Variants in RPS6KB1 observed in about 807,000 individuals in gnomAD.
RPS6KB1 encodes the protein ribosomal protein S6 kinase beta-1.
Under a neutral mutation model 70.2 loss-of-function variants are expected in RPS6KB1, and 12 were observed. That is an observed-to-expected ratio of 0.17 (90% CI 0.11 to 0.28). The LOEUF (loss-of-function observed/expected upper bound fraction) is 0.28, where lower values mean the gene tolerates loss of function less well. Among genes scored for constraint, RPS6KB1 ranks in the 10% least tolerant of loss-of-function variants. The probability of loss-of-function intolerance (pLI) is 1.00; values close to 1 mark genes in which losing one functional copy is unlikely to be tolerated. For synonymous variants in RPS6KB1, 175 were observed against 211.2 expected (o/e 0.83, Z 1.49); for missense variants, 270 against 646.6 (o/e 0.42, Z 6.32).
Position 59,934,902 on chromosome 17 carries a change from G to A in RPS6KB1, c.871-291G>A, listed in dbSNP as rs143394807. The stretch of plus-strand genomic sequence containing the variant: ...CTGTCCTGTTGCTTAAAAACTGCAC[G>A]TCTGCCGGCCACAGTGGTGCATGCC... On this transcript the variant is annotated intron_variant, in intron 9 of 14. Coordinates refer to ENST00000225577, the MANE Select transcript of RPS6KB1 (RefSeq NM_003161.4). The surrounding 1 kb of genome is among the most constrained non-coding windows in gnomAD (Gnocchi z 4.8). 7 of 357,140 alleles carry A rather than the reference G, an allele frequency of 2.0e-5. No individual in the cohort carries two copies. Among genetic ancestry groups the A allele is most frequent in the South Asian group, 1.2e-4 (3 of 24,902 alleles). The allele number at this position is 357,140 out of a possible 1,614,324, so 22.1% of individuals were successfully genotyped here.
At chr17:59,898,371 C>T (rs1340916330) in intron 1 of RPS6KB1, among the ~76,000 whole-genome samples, 2 of 152,058 alleles carry the variant, frequency 1.3e-5, no homozygotes, top group Non-Finnish European at 2.9e-5. Context: ...CTCAAATATT[C>T]ATGATTATGA....
At chr17:59,900,230 A>AC (rs71145588) in intron 1 of RPS6KB1, among the ~76,000 whole-genome samples, 2 of 136,736 alleles carry the variant, frequency 1.5e-5, no homozygotes, top group South Asian at 2.4e-4. Flanking sequence ...ACACACACAC[A>AC]CCCCTATGTG....
In RPS6KB1 at chr17:59,949,442, CTTGA is replaced by C. The variant is rs1035267177; in HGVS notation, c.*2657_*2660del. 8 of 152,440 alleles carry C rather than the reference CTTGA, an allele frequency of 5.2e-5. No individual in the cohort carries two copies. The highest frequency in any genetic ancestry group is 2.1e-4 in the South Asian group (1 of 4,830). 9.4% of individuals were successfully genotyped at this position (152,440 alleles called of 1,614,324 possible). A position where few individuals can be genotyped will look rare whatever the true frequency, so the allele number is the denominator to read the frequency against. ...GAGATTAAGTGCTTTTTTTTCATCA[CTTGA>C]TTATTTTCTTTAAAATCAGCTATTA... On this transcript the variant is annotated 3_prime_UTR_variant, in exon 15 of 15. Coordinates refer to ENST00000225577, the MANE Select transcript of RPS6KB1 (RefSeq NM_003161.4).
At chr17:59,924,143 G>A (rs561164820) in intron 4 of RPS6KB1, among the ~76,000 whole-genome samples, 29 of 152,116 alleles carry the variant, frequency 1.9e-4, no homozygotes, top group South Asian at 6.2e-4. Context: ...AGCCTGGCCA[G>A]CATGGTGAAA....
chr17:59,946,456 T>C lies in RPS6KB1; in HGVS notation c.1341-95T>C. On this transcript the variant is annotated intron_variant, in intron 14 of 14. Coordinates refer to ENST00000225577, the MANE Select transcript of RPS6KB1 (RefSeq NM_003161.4). This position sits in a 1 kb window ranked among gnomAD's most constrained non-coding sequence, Gnocchi z 4.2. ...GAAAATAAAATTAAATGAAAATAAA[T>C]GTCATGTTACCCCACTCCCTTTAAA... 1.1e-6 allele frequency: 1 copy of C among 938,468 alleles called. No individual in the cohort carries two copies. Among genetic ancestry groups the C allele is most frequent in the South Asian group, 1.5e-5 (1 of 65,174 alleles). The allele number at this position is 938,468 out of a possible 1,614,324, so 58.1% of individuals were successfully genotyped here.
intron 1 of RPS6KB1, among the ~76,000 whole-genome samples, chr17:59,906,389 G>A (rs1317517461): frequency 6.6e-6 from 1 of 151,622 alleles, no homozygotes; most frequent in African/African-American, 2.4e-5. Flanking sequence ...TTTCGACAGA[G>A]TCTAGCTTTG....
intron 4 of RPS6KB1, among the ~76,000 whole-genome samples, chr17:59,923,546 T>C (rs1472306704): frequency 6.6e-6 from 1 of 152,136 alleles, no homozygotes; most frequent in Non-Finnish European, 1.5e-5. Flanking sequence ...AGTCTCGCTT[T>C]GTCCCCCAGG....
At chr17:59,900,420 C>G (rs2041863727) in intron 1 of RPS6KB1, among the ~76,000 whole-genome samples, 1 of 151,878 alleles carries the variant, frequency 6.6e-6, no homozygotes, top group African/African-American at 2.4e-5. Context: ...GCCTGGAGTG[C>G]AATGGCGCGA....
chr17:59,923,653 G>T (rs2043413560), intron 4 of RPS6KB1, among the ~76,000 whole-genome samples: 1 of 151,880 alleles, frequency 6.6e-6, no homozygotes, highest in Non-Finnish European at 1.5e-5. Flanking sequence ...GGGATTACAG[G>T]TGCCTGCCAC....
At position 59,946,470 on chromosome 17, in the gene RPS6KB1, A is replaced by G; in HGVS notation, c.1341-81A>G. 1 of 1,045,286 alleles carries G rather than the reference A, an allele frequency of 9.6e-7. No homozygotes were observed. Among genetic ancestry groups the G allele is most frequent in the Non-Finnish European group, 1.5e-6 (1 of 682,770 alleles). The allele number at this position is 1,045,286 out of a possible 1,614,324, so 64.8% of individuals were successfully genotyped here. On this transcript the variant is annotated intron_variant, in intron 14 of 14. Coordinates refer to ENST00000225577, the MANE Select transcript of RPS6KB1 (RefSeq NM_003161.4). This position sits in a 1 kb window ranked among gnomAD's most constrained non-coding sequence, Gnocchi z 4.2. ...ATGAAAATAAATGTCATGTTACCCCACTCCCTTTAAACGTAAAGGAAATAT... is the reference window on the plus strand; with the variant it reads ...ATGAAAATAAATGTCATGTTACCCCGCTCCCTTTAAACGTAAAGGAAATAT...
chr17:59,899,183 G>T (rs1006434098), intron 1 of RPS6KB1, among the ~76,000 whole-genome samples: 3 of 149,688 alleles, frequency 2.0e-5, no homozygotes, highest in African/African-American at 7.4e-5. Context: ...CAGCCTGGGG[G>T]ACAAGAGCAA....
At chr17:59,928,195 A>G (rs868529440) in intron 5 of RPS6KB1, among the ~76,000 whole-genome samples, 84 of 151,516 alleles carry the variant, frequency 5.5e-4, no homozygotes, top group African/African-American at 1.9e-3. Context: ...ATTCCTATAT[A>G]TTTCTCACCT....
intron 4 of RPS6KB1, among the ~76,000 whole-genome samples, chr17:59,925,787 A>G (rs1413489728): frequency 2.0e-5 from 3 of 151,992 alleles, no homozygotes; most frequent in East Asian, 3.9e-4. Flanking sequence ...TTTACCTTCT[A>G]CATTTCTTTC....
At chr17:59,904,655 A>G (rs1323670128) in intron 1 of RPS6KB1, among the ~76,000 whole-genome samples, 1 of 147,974 alleles carries the variant, frequency 6.8e-6, no homozygotes, top group Non-Finnish European at 1.5e-5. Context: ...CGGCCTCCCA[A>G]AGTGCTGGGA....
chr17:59,922,495 A>AT (rs1164452684), intron 4 of RPS6KB1, among the ~76,000 whole-genome samples: 1 of 96,864 alleles, frequency 1.0e-5, no homozygotes, highest in Non-Finnish European at 2.2e-5. Context: ...AGACTTTTCT[A>AT]TTTTTTCTGT....
At chr17:59,932,632 A>G (rs1388153299) in intron 7 of RPS6KB1, among the ~76,000 whole-genome samples, 1 of 148,962 alleles carries the variant, frequency 6.7e-6, no homozygotes, top group East Asian at 2.0e-4. Context: ...GCTCACTGCA[A>G]CCTCCGCCTC....
chr17:59,947,521 A>G lies in RPS6KB1; in HGVS notation c.*733A>G. 1 of 1,526,100 alleles carries G rather than the reference A, an allele frequency of 6.6e-7. No homozygotes were observed. Among genetic ancestry groups the G allele is most frequent in the South Asian group, 1.2e-5 (1 of 80,744 alleles). The allele number at this position is 1,526,100 out of a possible 1,614,324, so 94.5% of individuals were successfully genotyped here. A position where few individuals can be genotyped will look rare whatever the true frequency, so the allele number is the denominator to read the frequency against. ...ACCTGGGGTTTATTTTCAGTAACCC[A>G]GCTGCAATACCTGTCTGTAATATGA... is the stretch of plus-strand genomic sequence containing the variant. On this transcript the variant is annotated 3_prime_UTR_variant, in exon 15 of 15. Coordinates refer to ENST00000225577, the MANE Select transcript of RPS6KB1 (RefSeq NM_003161.4).
chr17:59,919,859 A>G (rs2043168613), intron 4 of RPS6KB1, among the ~76,000 whole-genome samples: 1 of 151,796 alleles, frequency 6.6e-6, no homozygotes, highest in African/African-American at 2.4e-5. Flanking sequence ...TTTTTCCTCT[A>G]ATGTTTGAAC....
chr17:59,937,264 T>C (rs546687510), intron 12 of RPS6KB1, among the ~76,000 whole-genome samples: 33 of 152,220 alleles, frequency 2.2e-4, no homozygotes, highest in Non-Finnish European at 3.2e-4. Flanking sequence ...ATATTTCAGG[T>C]AGTTGGGACT....
Sources: allele counts gnomAD v4.1 joint callset (sites outside exome capture counted in the v4.1 genomes callset), GRCh38; gene constraint gnomAD v4.1.1; non-coding constraint Gnocchi (gnomAD v3.1); transcripts MANE v1.5; gene names NCBI Gene and HGNC (gene_info 2026-07-23, HGNC 2026-07-21).